SNCAIP: variants seen among roughly 807,000 people sequenced by gnomAD.
The protein encoded by SNCAIP is synphilin-1.
Under a neutral mutation model 86.7 loss-of-function variants are expected in SNCAIP, and 43 were observed. That is an observed-to-expected ratio of 0.50 (90% confidence interval 0.39 to 0.64). The LOEUF (loss-of-function observed/expected upper bound fraction) is 0.64. SNCAIP is among the 30% of genes least tolerant of loss of function. SNCAIP has a pLI of 0.00. For synonymous variants in SNCAIP, 417 were observed against 427.2 expected, an observed-to-expected ratio of 0.98 and a Z score of 0.29; for missense variants, 981 against 1,103.1, an observed-to-expected ratio of 0.89 and a Z score of 1.57.
intron 2 of SNCAIP, among the ~76,000 whole-genome samples, chr5:122,396,236 G>C (rs1770595035): frequency 6.6e-6 from 1 of 151,968 alleles, no homozygotes; most frequent in Non-Finnish European, 1.5e-5. Context: ...CTTAATACCT[G>C]CCAGGAAATG....
chr5:122,350,559 A>G (rs1472306797), intron 1 of SNCAIP, among the ~76,000 whole-genome samples: 1 of 151,310 alleles, frequency 6.6e-6, no homozygotes, highest in Non-Finnish European at 1.5e-5. Flanking sequence ...GGGAAGTCTT[A>G]TAAATTGTTT....
chr5:122,330,171 G>A (rs1303082573), intron 1 of SNCAIP, among the ~76,000 whole-genome samples: 1 of 135,208 alleles, frequency 7.4e-6, no homozygotes, highest in Non-Finnish European at 1.5e-5. Flanking sequence ...GCCCAGGCTG[G>A]AGTGCAGTGG....
At chr5:122,416,528 A>G (rs1775342876) in intron 3 of SNCAIP, among the ~76,000 whole-genome samples, 1 of 152,186 alleles carries the variant, frequency 6.6e-6, no homozygotes, top group African/African-American at 2.4e-5. Context: ...ACAGTGCCCC[A>G]TCACAATTCT....
chr5:122,355,697 G>A (rs921199272), intron 1 of SNCAIP, among the ~76,000 whole-genome samples: 1 of 152,176 alleles, frequency 6.6e-6, no homozygotes, highest in Non-Finnish European at 1.5e-5. Flanking sequence ...GTCAGGCCTA[G>A]ACTCACAGAG....
chr5:122,374,813 A>G (rs1228317798), intron 1 of SNCAIP, among the ~76,000 whole-genome samples: 3 of 152,200 alleles, frequency 2.0e-5, no homozygotes, highest in Admixed American at 6.5e-5. Flanking sequence ...AAAAAACAAC[A>G]TATTGATGAA....
chr5:122,371,087 G>A (rs983231087), intron 1 of SNCAIP, among the ~76,000 whole-genome samples: 3 of 152,118 alleles, frequency 2.0e-5, no homozygotes, highest in African/African-American at 7.2e-5. Context: ...GCTGAGGCAG[G>A]AGGATCACTT....
intron 1 of SNCAIP, among the ~76,000 whole-genome samples, chr5:122,352,815 G>A (rs1197348583): frequency 1.3e-5 from 2 of 152,166 alleles, no homozygotes; most frequent in Non-Finnish European, 2.9e-5. Flanking sequence ...TTCAAGACCA[G>A]CCTAGGCAGC....
intron 6 of SNCAIP, 131 bp from the exon 7 acceptor site, chr5:122,440,498 A>G: frequency 1.2e-6 from 1 of 836,922 alleles, no homozygotes; most frequent in Non-Finnish European, 2.0e-6. Context: ...CATCTGAATG[A>G]GAATTTTCTC....
intron 1 of SNCAIP, among the ~76,000 whole-genome samples, chr5:122,316,405 G>C (rs1329849595): frequency 1.3e-5 from 2 of 152,224 alleles, no homozygotes; most frequent in Non-Finnish European, 2.9e-5. Context: ...ACAATGCAAA[G>C]TGGGTGGGTT....
At chr5:122,353,047 T>A (rs12332193) in intron 1 of SNCAIP, among the ~76,000 whole-genome samples, 8,299 of 152,260 alleles carry the variant, frequency 0.055, 783 homozygotes, top group African/African-American at 0.19. Context: ...TTCTGCCTAG[T>A]ACCTGACCAA....
intron 1 of SNCAIP, among the ~76,000 whole-genome samples, chr5:122,354,686 G>C (rs1221890485): frequency 9.8e-5 from 15 of 152,296 alleles, no homozygotes. Flanking sequence ...TCAATGATCA[G>C]CCTAGTAGGA....
At chr5:122,437,851 A>G (rs932358066) in intron 6 of SNCAIP, among the ~76,000 whole-genome samples, 11 of 152,134 alleles carry the variant, frequency 7.2e-5, no homozygotes, top group Admixed American at 1.3e-4. Context: ...AGCCCCTGAA[A>G]AGTCCGAGGT....
intron 3 of SNCAIP, among the ~76,000 whole-genome samples, chr5:122,409,540 T>C (rs1274488471): frequency 6.6e-6 from 1 of 152,174 alleles, no homozygotes; most frequent in Non-Finnish European, 1.5e-5. Context: ...TGAAAAAAAT[T>C]TTATACCTAA....
intron 4 of SNCAIP, 89 bp downstream of exon 4, chr5:122,423,828 A>G: frequency 8.1e-7 from 1 of 1,229,442 alleles, no homozygotes; most frequent in African/African-American, 1.5e-5. Flanking sequence ...ACGATGCTGC[A>G]TTTGTTTTGG....
Position 122,362,513 on chromosome 5 carries a change from G to GT in SNCAIP, c.-46-28575dup, listed in dbSNP as rs1306990150. On this transcript the variant is annotated intron_variant, in intron 1 of 10. Coordinates refer to ENST00000261368, the MANE Select transcript of SNCAIP (RefSeq NM_005460.4). ...CAGAGCTATCTAGAGGAACTCTGCA[G>GT]TATTGACGTGAAGAGAATTGTAGTG... Among the ~76,000 whole-genome samples the GT allele has an allele frequency of 9.9e-5, 15 of 152,182 alleles. No individual in the cohort carries two copies. The East Asian group carries it at 2.9e-3, about 29-fold the overall frequency.
intron 10 of SNCAIP, among the ~76,000 whole-genome samples, chr5:122,458,366 C>G (rs902612696): frequency 1.1e-4 from 16 of 152,226 alleles, no homozygotes; most frequent in African/African-American, 3.6e-4. Context: ...CCCTCCTTTC[C>G]TTATTCCCCA....
intron 2 of SNCAIP, among the ~76,000 whole-genome samples, chr5:122,397,663 A>G (rs1356784008): frequency 2.0e-5 from 3 of 152,184 alleles, no homozygotes; most frequent in Non-Finnish European, 4.4e-5. Flanking sequence ...TAATAGAGGT[A>G]TGAAAGTGTG....
Position 122,330,117 on chromosome 5 carries a change from C to CTTTTTTTTTTTTTTT in SNCAIP, c.-47+17841_-47+17855dup, listed in dbSNP as rs1212303157. On this transcript the variant is annotated intron_variant, in intron 1 of 10. Transcript: ENST00000261368. Reference sequence around the variant, plus strand: ...CTTACCTCCGTGTACAACTTCATTTCTTTTTTTTTTTTTTTTTTTTTTGAG... The same window carrying CTTTTTTTTTTTTTTT: ...CTTACCTCCGTGTACAACTTCATTTCTTTTTTTTTTTTTTTTTTTTTTTTTTTTTTTTTTTTTGAG... Among the ~76,000 whole-genome samples, 16 of 96,828 alleles carry CTTTTTTTTTTTTTTT rather than the reference C, an allele frequency of 1.7e-4. 2 individuals carry two copies. The highest frequency in any genetic ancestry group is 5.2e-4 in the African/African-American group (12 of 23,260). The allele number at this position is 96,828 out of a possible 152,430, so 63.5% of individuals were successfully genotyped here. A position where few individuals can be genotyped will look rare whatever the true frequency, so the allele number is the denominator to read the frequency against.
intron 1 of SNCAIP, among the ~76,000 whole-genome samples, chr5:122,347,336 G>A (rs1356900290): frequency 6.6e-6 from 1 of 150,764 alleles, no homozygotes; most frequent in Non-Finnish European, 1.5e-5. Flanking sequence ...AAGAACATCT[G>A]TTTACCAGCT....
Sources: gnomAD v4.1 joint callset for allele counts (sites outside exome capture counted in the v4.1 genomes callset) on GRCh38, gnomAD v4.1.1 for gene constraint, MANE v1.5 for transcripts, NCBI Gene and HGNC (gene_info 2026-07-23, HGNC 2026-07-21) for gene names.